Variants in PLS1 observed in about 807,000 individuals in gnomAD.
PLS1 encodes the protein plastin-1.
PLS1 carries 32 observed loss-of-function variants against 73.7 expected under a neutral mutation model. The ratio of observed to expected loss-of-function variants is 0.43; its 90% CI spans 0.33 to 0.58. The LOEUF (loss-of-function observed/expected upper bound fraction) is 0.58. Ranked by LOEUF, PLS1 falls within the 20% of genes least tolerant of loss-of-function variation. PLS1 has a pLI of 0.04. For synonymous variants in PLS1, 217 were observed against 261.3 expected, an observed-to-expected ratio of 0.83 and a Z score of 1.63; for missense variants, 633 against 740.5, an observed-to-expected ratio of 0.85 and a Z score of 1.68.
At chr3:142,613,460 G>A (rs574836675) in intron 1 of PLS1, among the ~76,000 whole-genome samples, 2 of 151,582 alleles carry the variant, frequency 1.3e-5, no homozygotes, top group South Asian at 2.1e-4. Flanking sequence ...CTGGGTGACA[G>A]AGCAAGACTC....
At chr3:142,641,584 C>T (rs1362390528) in intron 1 of PLS1, among the ~76,000 whole-genome samples, 1 of 151,812 alleles carries the variant, frequency 6.6e-6, no homozygotes. Flanking sequence ...GTTTGGAAGT[C>T]TCTTACTTTC....
intron 1 of PLS1, among the ~76,000 whole-genome samples, chr3:142,614,985 T>C (rs2036189342): frequency 6.6e-6 from 1 of 151,784 alleles, no homozygotes; most frequent in South Asian, 2.1e-4. Flanking sequence ...GGGTGTCATT[T>C]GAAAATTGAG....
chr3:142,698,616 CATGA>C (rs1334656709), intron 12 of PLS1, among the ~76,000 whole-genome samples: 5 of 151,930 alleles, frequency 3.3e-5, no homozygotes, highest in Admixed American at 6.5e-5. Context: ...GGGAAAGACA[CATGA>C]ATGAACAATT....
At chr3:142,647,081 TG>T (rs2036967836) in intron 1 of PLS1, among the ~76,000 whole-genome samples, 1 of 152,154 alleles carries the variant, frequency 6.6e-6, no homozygotes, top group South Asian at 2.1e-4. Context: ...AAATACAAGG[TG>T]TAGCATGTAG....
chr3:142,612,131 T>G (rs1398801256), intron 1 of PLS1, among the ~76,000 whole-genome samples: 1 of 152,234 alleles, frequency 6.6e-6, no homozygotes, highest in Admixed American at 6.5e-5. Flanking sequence ...AAGAAACAAG[T>G]ACATCATTGA....
At chr3:142,638,228 A>T (rs2036741481) in intron 1 of PLS1, among the ~76,000 whole-genome samples, 1 of 152,178 alleles carries the variant, frequency 6.6e-6, no homozygotes, top group South Asian at 2.1e-4. Context: ...ACGCTATGAG[A>T]TAGGTATTAT....
At chr3:142,623,767 T>C (rs1423264073) in intron 1 of PLS1, among the ~76,000 whole-genome samples, 1 of 152,218 alleles carries the variant, frequency 6.6e-6, no homozygotes, top group Admixed American at 6.5e-5. Flanking sequence ...AATTATCTCT[T>C]CATTTTTCTG....
At chr3:142,665,100 C>A (rs530680597) in intron 2 of PLS1, among the ~76,000 whole-genome samples, 18 of 151,932 alleles carry the variant, frequency 1.2e-4, no homozygotes, top group African/African-American at 4.3e-4. Context: ...CAAGCTCATT[C>A]TCTAGTGTAA....
In PLS1 at chr3:142,618,136, T is replaced by G. The variant is rs573509694; in HGVS notation, c.-37+21627T>G. The stretch of plus-strand genomic sequence containing the variant: ...CAGTATTTTTATTTTTGTAGTGTTT[T>G]TCTTTTTAAGCTCCTACACTAAATA... On this transcript the variant is annotated intron_variant, in intron 1 of 15. Coordinates refer to ENST00000457734, the MANE Select transcript of PLS1 (RefSeq NM_001145319.2). Among the ~76,000 whole-genome samples, 6 of 152,356 alleles carry G rather than the reference T, an allele frequency of 3.9e-5. No homozygotes were observed. The South Asian group carries it at 1.2e-3, about 32-fold the overall frequency.
chr3:142,651,519 G>T (rs76119398), intron 1 of PLS1, among the ~76,000 whole-genome samples: 1 of 151,268 alleles, frequency 6.6e-6, no homozygotes, highest in African/African-American at 2.4e-5. Flanking sequence ...GACAAGGGGG[G>T]TCTCACTGTC....
intron 1 of PLS1, among the ~76,000 whole-genome samples, chr3:142,612,971 G>A (rs2036150813): frequency 6.6e-6 from 1 of 152,010 alleles, no homozygotes; most frequent in African/African-American, 2.4e-5. Flanking sequence ...CACCCATGTT[G>A]ACAAGGCTGG....
intron 1 of PLS1, among the ~76,000 whole-genome samples, chr3:142,600,836 G>C (rs1654395315): frequency 7.6e-6 from 1 of 131,284 alleles, no homozygotes; most frequent in Non-Finnish European, 1.6e-5. Flanking sequence ...ATGAGCTTGA[G>C]AAATGGCTAG....
intron 1 of PLS1, among the ~76,000 whole-genome samples, chr3:142,600,120 A>T (rs2108529630): frequency 6.6e-6 from 1 of 152,262 alleles, no homozygotes; most frequent in East Asian, 1.9e-4. Context: ...GCCCTCAGAA[A>T]CCAATCTAAG....
intron 1 of PLS1, among the ~76,000 whole-genome samples, chr3:142,612,206 C>T (rs952797327): frequency 6.6e-6 from 1 of 152,164 alleles, no homozygotes; most frequent in Non-Finnish European, 1.5e-5. Flanking sequence ...TTGTTTCTGT[C>T]CATGAGAAAA....
chr3:142,638,028 G>A (rs1577816178), intron 1 of PLS1, among the ~76,000 whole-genome samples: 1 of 152,194 alleles, frequency 6.6e-6, no homozygotes, highest in Admixed American at 6.5e-5. Flanking sequence ...AGATGTGAGT[G>A]TAGGGGCCCA....
intron 9 of PLS1, among the ~76,000 whole-genome samples, chr3:142,687,654 A>G (rs1023166003): frequency 2.6e-5 from 4 of 152,186 alleles, no homozygotes; most frequent in African/African-American, 9.7e-5. Flanking sequence ...CTGCCAATTC[A>G]TGGTCAATCT....
At position 142,712,048 on chromosome 3, in the gene PLS1, G is replaced by GC; in HGVS notation, c.*43dup. 6.4e-7 allele frequency: 1 copy of GC among 1,567,426 alleles called. No individual in the cohort carries two copies. On this transcript the variant is annotated 3_prime_UTR_variant, in exon 16 of 16. Coordinates refer to ENST00000457734, the MANE Select transcript of PLS1 (RefSeq NM_001145319.2). ...TTCTGCCACATTAAACATATTGTAT[G>GC]CCTCACAGTTTACAGGATTCTGAAA...
chr3:142,610,727 A>C (rs1285963984), intron 1 of PLS1, among the ~76,000 whole-genome samples: 1 of 152,178 alleles, frequency 6.6e-6, no homozygotes, highest in Non-Finnish European at 1.5e-5. Flanking sequence ...TGGGCCACAC[A>C]GACTGGGGCA....
intron 1 of PLS1, among the ~76,000 whole-genome samples, chr3:142,624,252 A>G (rs1409753697): frequency 6.6e-6 from 1 of 152,330 alleles, no homozygotes; most frequent in East Asian, 1.9e-4. Flanking sequence ...AGCTTTGCTT[A>G]AAAGCTTTTC....
Sources: gnomAD v4.1 joint callset for allele counts (sites outside exome capture counted in the v4.1 genomes callset) on GRCh38, gnomAD v4.1.1 for gene constraint, MANE v1.5 for transcripts, NCBI Gene and HGNC (gene_info 2026-07-23, HGNC 2026-07-21) for gene names.